GPC5: variants seen among roughly 807,000 people sequenced by gnomAD.
The protein encoded by GPC5 is glypican 5.
Under a neutral mutation model 53.9 loss-of-function variants are expected in GPC5, and 47 were observed. That is an observed-to-expected ratio of 0.87 (90% CI 0.69 to 1.11). The LOEUF (loss-of-function observed/expected upper bound fraction) is 1.11. GPC5 is among the 50% of genes most tolerant of loss of function. The pLI, the probability that GPC5 is intolerant of heterozygous loss-of-function variation, is 0.00. For synonymous variants in GPC5, 286 were observed against 263.3 expected (o/e 1.09, Z -0.84); for missense variants, 748 against 713.1 (o/e 1.05, Z -0.56).
chr13:92,196,043 G>T (rs944246210), intron 7 of GPC5, among the ~76,000 whole-genome samples: 1 of 152,128 alleles, frequency 6.6e-6, no homozygotes, highest in Non-Finnish European at 1.5e-5. Flanking sequence ...GGCGCTCAGG[G>T]CAAAGTGGAA....
intron 6 of GPC5, among the ~76,000 whole-genome samples, chr13:92,096,806 TAC>T (rs1363757173): frequency 3.9e-5 from 6 of 152,284 alleles, no homozygotes; most frequent in East Asian, 3.9e-4. Context: ...AAAAAACTAA[TAC>T]AGAGTCTAGT....
chr13:92,331,916 TAAG>T (rs1348779561), intron 7 of GPC5, among the ~76,000 whole-genome samples: 1 of 151,832 alleles, frequency 6.6e-6, no homozygotes, highest in African/African-American at 2.4e-5. Flanking sequence ...ACAAAAAAAA[TAAG>T]AAAAAATGGA....
intron 6 of GPC5, among the ~76,000 whole-genome samples, chr13:91,998,300 ACTCCTT>A (rs1291911760): frequency 2.0e-5 from 3 of 151,944 alleles, no homozygotes; most frequent in African/African-American, 7.3e-5. Flanking sequence ...ACCTGATCCA[ACTCCTT>A]CCACTTTGCT....
chr13:91,933,425 T>C (rs183829313), intron 6 of GPC5, among the ~76,000 whole-genome samples: 113 of 152,142 alleles, frequency 7.4e-4, no homozygotes, highest in African/African-American at 2.6e-3. Flanking sequence ...AAGTAATCAC[T>C]GCATAGAGTA....
At chr13:92,412,679 A>G (rs1876100405) in intron 7 of GPC5, among the ~76,000 whole-genome samples, 1 of 152,220 alleles carries the variant, frequency 6.6e-6, no homozygotes, top group Non-Finnish European at 1.5e-5. Flanking sequence ...GTTGAGACAG[A>G]GACAGACCAT....
At chr13:91,451,860 C>T (rs1484437441) in intron 2 of GPC5, among the ~76,000 whole-genome samples, 1 of 152,062 alleles carries the variant, frequency 6.6e-6, no homozygotes, top group Non-Finnish European at 1.5e-5. Context: ...TCATGATCTA[C>T]CCACCTCGCC....
At chr13:92,381,210 AC>A (rs2043736296) in intron 7 of GPC5, among the ~76,000 whole-genome samples, 1 of 152,166 alleles carries the variant, frequency 6.6e-6, no homozygotes, top group Admixed American at 6.5e-5. Context: ...TCTACTCATA[AC>A]AAAGTTTCAC....
chr13:92,358,124 A>G (rs1356268350), intron 7 of GPC5, among the ~76,000 whole-genome samples: 1 of 151,798 alleles, frequency 6.6e-6, no homozygotes, highest in Non-Finnish European at 1.5e-5. Context: ...ATAGACATTG[A>G]GTAAATACTC....
chr13:92,553,330 A>G (rs1270026247), intron 7 of GPC5, among the ~76,000 whole-genome samples: 1 of 151,932 alleles, frequency 6.6e-6, no homozygotes, highest in Non-Finnish European at 1.5e-5. Context: ...CTATGCCATT[A>G]TTGTATTACT....
intron 7 of GPC5, among the ~76,000 whole-genome samples, chr13:92,257,843 C>T (rs2042738711): frequency 1.3e-5 from 2 of 152,040 alleles, no homozygotes; most frequent in African/African-American, 4.8e-5. Context: ...AGCCACCACG[C>T]CTGGCCTACA....
intron 7 of GPC5, among the ~76,000 whole-genome samples, chr13:92,379,227 G>GT (rs913384230): frequency 6.6e-6 from 1 of 152,144 alleles, no homozygotes; most frequent in Non-Finnish European, 1.5e-5. Flanking sequence ...AGATCTTTTG[G>GT]TTTTCTGGTG....
At chr13:92,418,780 A>T (rs999915808) in intron 7 of GPC5, among the ~76,000 whole-genome samples, 2 of 152,182 alleles carry the variant, frequency 1.3e-5, no homozygotes, top group African/African-American at 4.8e-5. Context: ...TTTCATGTTC[A>T]GCTTTTGTGT....
intron 7 of GPC5, among the ~76,000 whole-genome samples, chr13:92,478,588 A>G (rs1441820368): frequency 2.6e-5 from 4 of 152,204 alleles, no homozygotes; most frequent in Non-Finnish European, 5.9e-5. Flanking sequence ...CTGGAATATA[A>G]TCAGATTGGG....
intron 7 of GPC5, among the ~76,000 whole-genome samples, chr13:92,296,999 C>A (rs190728574): frequency 6.6e-6 from 1 of 152,248 alleles, no homozygotes; most frequent in East Asian, 1.9e-4. Context: ...AGCACCACCC[C>A]CTGCTCCATG....
At chr13:92,758,225 C>T (rs562506718) in intron 7 of GPC5, among the ~76,000 whole-genome samples, 250 of 141,348 alleles carry the variant, frequency 1.8e-3, no homozygotes, top group South Asian at 3.0e-3. Context: ...AGTAAACTAT[C>T]GCAAGAACAA....
rs908503813 is a variant in GPC5 at position 92,554,499 on chromosome 13, T to TA, written c.1562-311775dup. On this transcript the variant is annotated intron_variant, in intron 7 of 7. Coordinates refer to ENST00000377067, the MANE Select transcript of GPC5 (RefSeq NM_004466.6). ...AGATTTAACCCAACAAGCTAGAGAT[T>TA]AAAAAAAACATAATAATCCAATATA... is the stretch of plus-strand genomic sequence containing the variant. Among the ~76,000 whole-genome samples, 419 of 151,274 alleles carry TA rather than the reference T, an allele frequency of 2.8e-3. 2 individuals carry two copies. Among genetic ancestry groups the TA allele is most frequent in the African/African-American group, 9.4e-3 (391 of 41,390 alleles).
intron 7 of GPC5, among the ~76,000 whole-genome samples, chr13:92,401,428 A>G (rs1875554835): frequency 1.3e-5 from 2 of 152,060 alleles, no homozygotes; most frequent in African/African-American, 4.8e-5. Flanking sequence ...ATTCGATAAA[A>G]CCACCATGGA....
At chr13:92,479,039 A>G (rs1879253229) in intron 7 of GPC5, among the ~76,000 whole-genome samples, 1 of 152,108 alleles carries the variant, frequency 6.6e-6, no homozygotes, top group Admixed American at 6.6e-5. Context: ...GGCAATATGT[A>G]CCTCCAATAT....
At position 91,399,136 on chromosome 13, in the gene GPC5, C is replaced by A; in HGVS notation, c.90C>A (p.Cys30Ter). The part of the protein sequence containing the change: ...GSARSEGVQT[C>*]EEVRKLFQWR... ...CCCGCAGCGAGGGCGTGCAGACCTGCGAAGAAGTTCGGAAACTTTTCCAGT... is the reference window on the plus strand; with the variant it reads ...CCCGCAGCGAGGGCGTGCAGACCTGAGAAGAAGTTCGGAAACTTTTCCAGT... The change falls in exon 1 of 8, where the codon TGC becomes TGA. Residue 30 changes from cysteine to a stop codon, truncating the protein, a stop_gained. Transcript: ENST00000377067. LOFTEE classifies it high-confidence loss of function. The A allele has an allele frequency of 6.2e-7, 1 of 1,613,200 alleles. No individual in the cohort carries two copies. Among genetic ancestry groups the A allele is most frequent in the Non-Finnish European group, 8.5e-7 (1 of 1,179,724 alleles).
Sources: allele counts gnomAD v4.1 joint callset (sites outside exome capture counted in the v4.1 genomes callset), GRCh38; gene constraint gnomAD v4.1.1; transcripts MANE v1.5; gene names NCBI Gene and HGNC (gene_info 2026-07-23, HGNC 2026-07-21).